IRF2: variants seen among roughly 807,000 people sequenced by gnomAD.
IRF2 encodes the protein interferon regulatory factor 2.
Under a neutral mutation model 40.6 loss-of-function variants are expected in IRF2, and 15 were observed. The observed-to-expected ratio is 0.37, with a 90% CI of 0.25 to 0.57. The LOEUF (loss-of-function observed/expected upper bound fraction) is 0.57. Among genes scored for constraint, IRF2 ranks in the 20% least tolerant of loss-of-function variants. IRF2 has a pLI of 0.77. For missense variants in IRF2, 317 were observed against 455.7 expected, an observed-to-expected ratio of 0.70 and a Z score of 2.77; for synonymous variants, 151 against 165.5, an observed-to-expected ratio of 0.91 and a Z score of 0.67.
In IRF2 at chr4:184,388,866, A is replaced by G; in HGVS notation, c.942T>C (p.Ser314=). 1 of 1,614,026 alleles carries G rather than the reference A, an allele frequency of 6.2e-7. No individual in the cohort carries two copies. The highest frequency in any genetic ancestry group is 8.5e-7 in the Non-Finnish European group (1 of 1,179,998). ...TGCTGGATGCTGGGGTCATGGAGGA[A>G]GAAAGGGGGAGGTCTTGAAAAGGGG... ...SWPPFQDLPL[S]SSMTPASSSS... Residue 314 remains serine, a synonymous_variant, in exon 9 of 9, where the codon TCT becomes TCC. Transcript: ENST00000393593. The surrounding 1 kb of genome is among the most constrained non-coding windows in gnomAD (Gnocchi z 4.6).
At chr4:184,452,543 T>C (rs1482232603) in intron 1 of IRF2, among the ~76,000 whole-genome samples, 2 of 152,062 alleles carry the variant, frequency 1.3e-5, no homozygotes, top group African/African-American at 2.4e-5. Context: ...CTCTATCATT[T>C]AGCTGTGACT....
intron 2 of IRF2, among the ~76,000 whole-genome samples, chr4:184,428,226 T>C (rs11931017): frequency 6.6e-6 from 1 of 152,106 alleles, no homozygotes; most frequent in African/African-American, 2.4e-5. Context: ...AAAAGAAGGC[T>C]TTTTTTAAAG....
intron 1 of IRF2, chr4:184,472,476 T>C (rs2149922017): frequency 6.6e-6 from 1 of 152,292 alleles, no homozygotes; most frequent in East Asian, 1.9e-4. Flanking sequence ...GCAGTCTCGG[T>C]GATGCCTGAA....
chr4:184,442,626 C>G (rs793792), intron 1 of IRF2, among the ~76,000 whole-genome samples: 144,638 of 152,040 alleles, frequency 0.95, 69,285 homozygotes, highest in East Asian at 1. Flanking sequence ...AACCAGTGAA[C>G]TAGTAAGCAT....
intron 1 of IRF2, among the ~76,000 whole-genome samples, chr4:184,431,480 A>G (rs1041633451): frequency 1.2e-4 from 18 of 152,100 alleles, no homozygotes; most frequent in Non-Finnish European, 2.6e-4. Flanking sequence ...TGCACTGGTG[A>G]CCCCTCAAAG....
At chr4:184,452,387 C>T (rs893473505) in intron 1 of IRF2, among the ~76,000 whole-genome samples, 3 of 152,204 alleles carry the variant, frequency 2.0e-5, no homozygotes, top group Admixed American at 1.3e-4. Context: ...AGGCCATAGC[C>T]ATATCCAGAG....
At chr4:184,460,647 ACACACACACATGCACGCG>A (rs1739102160) in intron 1 of IRF2, among the ~76,000 whole-genome samples, 1 of 139,738 alleles carries the variant, frequency 7.2e-6, no homozygotes, top group African/African-American at 2.7e-5. Flanking sequence ...GCACGCACAC[ACACACACACATGCACGCG>A]CACACACACA....
At chr4:184,399,552 A>T (rs1483840778) in intron 6 of IRF2, among the ~76,000 whole-genome samples, 2 of 152,248 alleles carry the variant, frequency 1.3e-5, no homozygotes, top group Non-Finnish European at 2.9e-5. Context: ...AGGAAGGGCC[A>T]TGAAAATCTA....
rs146296533 is a variant in IRF2 at position 184,445,948 on chromosome 4, T to C, written c.-6-16878A>G. Reference sequence around the variant, plus strand: ...AGATTAGAATGGGCCCTAAATCCAATATGACTGGTGTCCTTTTAAGAAGAG... The same window carrying C: ...AGATTAGAATGGGCCCTAAATCCAACATGACTGGTGTCCTTTTAAGAAGAG... On this transcript the variant is annotated intron_variant, in intron 1 of 8. Transcript: ENST00000393593. 4.9e-4 allele frequency among the ~76,000 whole-genome samples: 74 copies of C among 152,224 alleles called. No homozygotes were observed. The East Asian group carries it at 0.013, about 26-fold the overall frequency.
chr4:184,454,991 C>T (rs994705217), intron 1 of IRF2, among the ~76,000 whole-genome samples: 1 of 152,172 alleles, frequency 6.6e-6, no homozygotes, highest in African/African-American at 2.4e-5. Flanking sequence ...AGGAGCAAGA[C>T]GATGTCCAGG....
rs751093618 is a variant in IRF2 at position 184,428,668 on chromosome 4, G to A, written c.87+310C>T. ...ACAAAAATTGGCCAGGTGTGGTGACGTTTACCTGTAGTTCCAGCTACTCTG... is the reference window on the plus strand; with the variant it reads ...ACAAAAATTGGCCAGGTGTGGTGACATTTACCTGTAGTTCCAGCTACTCTG... On this transcript the variant is annotated intron_variant, in intron 2 of 8. Coordinates refer to ENST00000393593, the MANE Select transcript of IRF2 (RefSeq NM_002199.4). 55 of 472,742 alleles carry A rather than the reference G, an allele frequency of 1.2e-4. 2 individuals carry two copies. Among genetic ancestry groups the A allele is most frequent in the South Asian group, 8.3e-4 (53 of 63,878 alleles). 29.3% of individuals were successfully genotyped at this position (472,742 alleles called of 1,614,324 possible).
At position 184,392,966 on chromosome 4, in the gene IRF2, C is replaced by T. The variant is rs560895479; in HGVS notation, c.695-2217G>A. Among the ~76,000 whole-genome samples, 12 of 152,220 alleles carry T rather than the reference C, an allele frequency of 7.9e-5. No individual in the cohort carries two copies. In the East Asian group the frequency reaches 1.7e-3, roughly 22 times the overall value. ...AGAAGCCCTCAGCCTCAGCTGACGA[C>T]GATCCCAGCTATGAAGATGAGCTGA... On this transcript the variant is annotated intron_variant, in intron 7 of 8. Transcript: ENST00000393593.
At chr4:184,445,654 CAA>C (rs386683242) in intron 1 of IRF2, among the ~76,000 whole-genome samples, 7 of 120,824 alleles carry the variant, frequency 5.8e-5, no homozygotes, top group Admixed American at 8.0e-5. Context: ...GACTCCATCA[CAA>C]AAAAAAAAAA....
chr4:184,389,301 C>A (rs760147578), intron 8 of IRF2, among the ~76,000 whole-genome samples: 21 of 152,052 alleles, frequency 1.4e-4, no homozygotes, highest in Non-Finnish European at 2.1e-4. Context: ...ACCTTTAGCC[C>A]CAGCAACTCG....
At chr4:184,458,711 A>G (rs1178070351) in intron 1 of IRF2, among the ~76,000 whole-genome samples, 15 of 152,212 alleles carry the variant, frequency 9.9e-5, no homozygotes, top group Admixed American at 9.8e-4. Context: ...TAATCCACAC[A>G]TGACCTTGCC....
rs1444545093 is a variant in IRF2, at chr4:184,398,403, T to C, written c.694+512A>G. 2.0e-5 allele frequency among the ~76,000 whole-genome samples: 3 copies of C among 152,296 alleles called. No individual in the cohort carries two copies. The East Asian group carries it at 5.8e-4, about 29-fold the overall frequency. On this transcript the variant is annotated intron_variant, in intron 7 of 8. Transcript: ENST00000393593. ...CAGGCACTGTGGGTCACACCTGTAATTCCAGCACTTTGGGAGGCCAAGGTG... is the reference window on the plus strand; with the variant it reads ...CAGGCACTGTGGGTCACACCTGTAACTCCAGCACTTTGGGAGGCCAAGGTG...
intron 1 of IRF2, among the ~76,000 whole-genome samples, chr4:184,455,265 C>CCCCCTTCCCTT (rs1269549473): frequency 9.1e-6 from 1 of 110,182 alleles, no homozygotes; most frequent in Non-Finnish European, 1.9e-5. Context: ...CCCCTTCCCT[C>CCCCCTTCCCTT]CCTCTCCCTC....
intron 2 of IRF2, among the ~76,000 whole-genome samples, chr4:184,424,456 A>C (rs550025901): frequency 6.6e-6 from 1 of 152,306 alleles, no homozygotes; most frequent in African/African-American, 2.4e-5. Context: ...CCCTGCCCTC[A>C]TGAATGGATT....
intron 1 of IRF2, among the ~76,000 whole-genome samples, chr4:184,444,566 C>T (rs1738434552): frequency 6.6e-6 from 1 of 152,280 alleles, no homozygotes; most frequent in Non-Finnish European, 1.5e-5. Context: ...AATTTATGGT[C>T]AACATTGTTC....
Sources: allele counts gnomAD v4.1 joint callset (sites outside exome capture counted in the v4.1 genomes callset), GRCh38; gene constraint gnomAD v4.1.1; non-coding constraint Gnocchi (gnomAD v3.1); transcripts MANE v1.5; gene names NCBI Gene and HGNC (gene_info 2026-07-23, HGNC 2026-07-21).